RGS3: variants seen among roughly 807,000 people sequenced by gnomAD.
RGS3 encodes the protein regulator of G protein signaling 3, also known as regulator of G-protein signalling 3.
RGS3 carries 80 observed loss-of-function variants against 132.6 expected under a neutral mutation model. The observed-to-expected ratio is 0.60, with a 90% CI of 0.50 to 0.73. The LOEUF (loss-of-function observed/expected upper bound fraction) is 0.73, where lower values mean the gene tolerates loss of function less well. RGS3 is among the 30% of genes least tolerant of loss of function. The pLI is 0.00. For missense variants in RGS3, 1,382 were observed against 1,530.8 expected, an observed-to-expected ratio of 0.90 and a Z score of 1.62; for synonymous variants, 598 against 620.6, an observed-to-expected ratio of 0.96 and a Z score of 0.54.
chr9:113,508,450 C>A, intron 13 of RGS3, 91 bp from the exon 12 acceptor site: 1 of 1,417,908 alleles, frequency 7.1e-7, no homozygotes, highest in Non-Finnish European at 9.9e-7. Flanking sequence ...GCTCCACTTC[C>A]TCTCCCCTGG....
At position 113,591,244 on chromosome 9, in the gene RGS3, G is replaced by T. The variant is rs1263575248; in HGVS notation, c.3016-89G>T. On this transcript the variant is annotated intron_variant, in intron 20 of 24. Transcript: ENST00000350696. The surrounding 1 kb of genome is among the most constrained non-coding windows in gnomAD (Gnocchi z 4.4). ...GCTTTGGGGATGGAAGGGGCTGGTG[G>T]CAGGGAATGTTGGGTCTCTGAGCCT... 2.5e-6 allele frequency: 3 copies of T among 1,177,706 alleles called. No individual in the cohort carries two copies. The highest frequency in any genetic ancestry group is 2.4e-5 in the East Asian group (1 of 42,498). The allele number at this position is 1,177,706 out of a possible 1,614,324, so 73.0% of individuals were successfully genotyped here.
intron 10 of RGS3, chr9:113,501,392 G>T: frequency 1.4e-6 from 2 of 1,412,110 alleles, no homozygotes; most frequent in Non-Finnish European, 1.9e-6. Context: ...AAGCCTTCGG[G>T]CTTATCGTGC....
At chr9:113,535,016 T>C (rs1333848266) in intron 18 of RGS3, among the ~76,000 whole-genome samples, 1 of 152,218 alleles carries the variant, frequency 6.6e-6, no homozygotes, top group African/African-American at 2.4e-5. Context: ...TAATTGTTTA[T>C]TTGTATAAAT....
At chr9:113,569,643 C>CCTTCCTTCCTTCCT (rs1564584423) in intron 19 of RGS3, among the ~76,000 whole-genome samples, 2 of 62,652 alleles carry the variant, frequency 3.2e-5, no homozygotes, top group African/African-American at 1.5e-4. Flanking sequence ...CCTTCCTTCC[C>CCTTCCTTCCTTCCT]TCCTTCCTTC....
chr9:113,543,335 C>A (rs1470858609), intron 19 of RGS3, among the ~76,000 whole-genome samples: 1 of 152,252 alleles, frequency 6.6e-6, no homozygotes, highest in African/African-American at 2.4e-5. Flanking sequence ...AGAATACACC[C>A]CTTACTTCCC....
upstream of RGS3, among the ~76,000 whole-genome samples, chr9:113,459,932 C>T (rs190398935): frequency 1.7e-3 from 254 of 151,242 alleles, 2 homozygotes; most frequent in African/African-American, 5.5e-3. Context: ...CTCAGCTACT[C>T]GGAAGGCTGA....
intron 19 of RGS3, among the ~76,000 whole-genome samples, chr9:113,575,895 A>G (rs1210299917): frequency 6.6e-6 from 1 of 152,144 alleles, no homozygotes; most frequent in Non-Finnish European, 1.5e-5. Flanking sequence ...TTCAAACTTT[A>G]ATGTGCAAAT....
chr9:113,497,502 A>G (rs1386177295), intron 9 of RGS3, 98 bp downstream of exon 7: 2 of 979,276 alleles, frequency 2.0e-6, no homozygotes, highest in South Asian at 1.5e-5. Flanking sequence ...GGCCCCTGCT[A>G]CTGAGAATGC....
At chr9:113,545,759 CT>C (rs1430322613) in intron 19 of RGS3, among the ~76,000 whole-genome samples, 1 of 152,190 alleles carries the variant, frequency 6.6e-6, no homozygotes, top group Non-Finnish European at 1.5e-5. Flanking sequence ...CAGGGTCAAG[CT>C]TTTTACCTAC....
chr9:113,527,694 T>G (rs779708248), intron 17 of RGS3, among the ~76,000 whole-genome samples: 3 of 152,208 alleles, frequency 2.0e-5, no homozygotes, highest in African/African-American at 4.8e-5. Flanking sequence ...ATACCTTGCT[T>G]CGAGGGGGCC....
intron 2 of RGS3, chr9:113,461,950 G>C: frequency 6.3e-7 from 1 of 1,592,430 alleles, no homozygotes. Context: ...AGTTCCTACT[G>C]GGAGTGAACA....
chr9:113,469,415 C>T (rs1190908625), intron 3 of RGS3, among the ~76,000 whole-genome samples: 2 of 152,178 alleles, frequency 1.3e-5, no homozygotes, highest in Non-Finnish European at 2.9e-5. Context: ...TTCTGTCATT[C>T]AGAGTCCAAC....
At chr9:113,589,322 A>G (rs952187077) in intron 20 of RGS3, 1 of 152,252 alleles carries the variant, frequency 6.6e-6, no homozygotes, top group African/African-American at 2.4e-5. Flanking sequence ...TGGGAATCAG[A>G]ACCCGATTTT....
chr9:113,470,809 A>T (rs1829804045), intron 3 of RGS3, among the ~76,000 whole-genome samples: 2 of 152,040 alleles, frequency 1.3e-5, no homozygotes, highest in Non-Finnish European at 2.9e-5. Context: ...TACAAAAAAT[A>T]AAAAAATTAG....
chr9:113,586,667 C>T (rs1835131174), intron 20 of RGS3, among the ~76,000 whole-genome samples: 1 of 152,212 alleles, frequency 6.6e-6, no homozygotes, highest in South Asian at 2.1e-4. Flanking sequence ...CTTTGCCATT[C>T]ACATCCTGCC....
chr9:113,508,517 G>T, intron 13 of RGS3, 24 bp from the exon 12 acceptor site: 1 of 1,612,392 alleles, frequency 6.2e-7, no homozygotes. Flanking sequence ...GGGCTGAGGT[G>T]GTTTTCCTGT....
chr9:113,497,365 C>A, exon 9 of RGS3: 1 of 1,613,618 alleles, frequency 6.2e-7, no homozygotes, highest in Non-Finnish European at 8.5e-7. Flanking sequence ...CCGGACCAAG[C>A]ACTTGAAGGT....
chr9:113,563,785 G>A (rs557778236), intron 19 of RGS3, among the ~76,000 whole-genome samples: 10 of 152,202 alleles, frequency 6.6e-5, no homozygotes, highest in Non-Finnish European at 1.5e-4. Context: ...GCATGTATAT[G>A]CTTGTGTATG....
chr9:113,596,454 A>G (rs1016090840), intron 24 of RGS3, among the ~76,000 whole-genome samples: 7 of 152,222 alleles, frequency 4.6e-5, no homozygotes, highest in African/African-American at 1.4e-4. Flanking sequence ...GGTAGATAAG[A>G]CAACTGAAGC....
Sources: gnomAD v4.1 joint callset for allele counts (sites outside exome capture counted in the v4.1 genomes callset) on GRCh38, gnomAD v4.1.1 for gene constraint, Gnocchi (gnomAD v3.1) non-coding constraint, MANE v1.5 for transcripts, NCBI Gene and HGNC (gene_info 2026-07-23, HGNC 2026-07-21) for gene names.